Variants in CIAO3 observed in about 807,000 individuals in gnomAD.
CIAO3 encodes the protein LET1 like/JFP15.
In CIAO3, 45 loss-of-function variants were observed where a neutral mutation model predicts 51.5. The observed-to-expected ratio is 0.87, with a 90% CI of 0.69 to 1.12. CIAO3 has a LOEUF of 1.12. Among genes scored for constraint, CIAO3 ranks in the 50% most tolerant of loss-of-function variants. The probability of loss-of-function intolerance (pLI) is 0.00; values close to 1 mark genes in which losing one functional copy is unlikely to be tolerated. For synonymous variants in CIAO3, 314 were observed against 269.3 expected (o/e 1.17, Z -1.63); for missense variants, 668 against 632.5 (o/e 1.06, Z -0.60).
intron 5 of CIAO3, 82 bp downstream of exon 5, chr16:734,655 G>A (rs751734829): frequency 3.1e-6 from 5 of 1,607,482 alleles, no homozygotes; most frequent in Non-Finnish European, 4.3e-6. Context: ...CCATGCCCCC[G>A]CCTTGTCATT....
At chr16:731,127 G>T in intron 9 of CIAO3, 127 bp from the exon 10 acceptor site, 2 of 1,247,744 alleles carry the variant, frequency 1.6e-6, no homozygotes. Flanking sequence ...CTCTCTCCTG[G>T]GCAGAGGGAA....
chr16:740,016 A>C, intron 1 of CIAO3: 1 of 1,436,440 alleles, frequency 7.0e-7, no homozygotes, highest in Non-Finnish European at 9.2e-7. Flanking sequence ...CACCACCAAC[A>C]CTGACCTTCA....
chr16:740,709 C>G (rs1414169934), intron 1 of CIAO3: 7 of 558,802 alleles, frequency 1.3e-5, no homozygotes, highest in Non-Finnish European at 1.6e-5. Flanking sequence ...GGGGGCGCCG[C>G]CCTCCCTGGC....
intron 1 of CIAO3, chr16:740,307 C>T (rs1033480512): frequency 2.0e-5 from 7 of 354,890 alleles, no homozygotes; most frequent in African/African-American, 1.3e-4. Context: ...GAAAAGGGCG[C>T]CTGCAGCCTC....
At chr16:730,721 G>T (rs530028154) in intron 10 of CIAO3, 66 bp from the exon 11 acceptor site, 16 of 1,580,946 alleles carry the variant, frequency 1.0e-5, no homozygotes, top group Non-Finnish European at 1.4e-5. Flanking sequence ...GACCACCAGG[G>T]AGCAGGGAGG....
chr16:739,895 C>A (rs2041374605), intron 1 of CIAO3, 157 bp from the exon 2 acceptor site: 3 of 1,201,048 alleles, frequency 2.5e-6, no homozygotes, highest in Admixed American at 4.1e-5. Flanking sequence ...CTTCTTCCTG[C>A]CCCACTGCTC....
At chr16:733,931 C>A in intron 6 of CIAO3, 1 of 432,234 alleles carries the variant, frequency 2.3e-6, no homozygotes, top group Non-Finnish European at 4.3e-6. Flanking sequence ...TGGGCATCCT[C>A]GTGGACCTGG....
At chr16:734,133 G>A (rs921997625) in intron 6 of CIAO3, 96 bp downstream of exon 6, 40 of 1,088,272 alleles carry the variant, frequency 3.7e-5, no homozygotes, top group East Asian at 1.9e-4. Flanking sequence ...ACAGCACAGC[G>A]AGGACTCTGT....
At position 730,413 on chromosome 16, in the gene CIAO3, GC is replaced by G; in HGVS notation, c.*3del. The stretch of plus-strand genomic sequence containing the variant: ...GCCTCCTGGGAGTCCTGGTCCTGCA[GC>G]CCCTACCACCGGATGCCCAGGCCAG... On this transcript the variant is annotated 3_prime_UTR_variant, in exon 11 of 11. Transcript: ENST00000251588. 6.3e-7 allele frequency: 1 copy of G among 1,599,666 alleles called. No homozygotes were observed. The highest frequency in any genetic ancestry group is 8.5e-7 in the Non-Finnish European group (1 of 1,178,918).
At position 730,618 on chromosome 16, in the gene CIAO3, G is replaced by T; in HGVS notation, c.1230C>A (p.Asp410Glu). 1 of 1,610,256 alleles carries T rather than the reference G, an allele frequency of 6.2e-7. No homozygotes were observed. The highest frequency in any genetic ancestry group is 8.5e-7 in the Non-Finnish European group (1 of 1,179,912). Residue 410 changes from aspartate (D) to glutamate (E), a missense_variant, in exon 11 of 11, where the codon GAC (aspartate) becomes GAA (glutamate). Coordinates refer to ENST00000251588, the MANE Select transcript of CIAO3 (RefSeq NM_022493.3). ...GCTGGAGGAGCTCTCTGCTGGGCCT[G>T]TCTGGGGCCTGGAGCTGGCCCCCGC... ...LNGGGQLQAP[D>E]RPSRELLQHV... is the part of the protein sequence containing the mutation.
At chr16:734,405 C>G in intron 5 of CIAO3, 58 bp from the exon 6 acceptor site, 1 of 1,256,852 alleles carries the variant, frequency 8.0e-7, no homozygotes, top group Non-Finnish European at 1.1e-6. Context: ...CCCGCACCCA[C>G]AGGCAGCAGC....
Position 737,729 on chromosome 16 carries a change from G to A in CIAO3, c.163-400C>T. 1 of 1,289,014 alleles carries A rather than the reference G, an allele frequency of 7.8e-7. No homozygotes were observed. Among genetic ancestry groups the A allele is most frequent in the Non-Finnish European group, 1.0e-6 (1 of 989,110 alleles). 79.8% of individuals were successfully genotyped at this position (1,289,014 alleles called of 1,614,324 possible). A position where few individuals can be genotyped will look rare whatever the true frequency, so the allele number is the denominator to read the frequency against. On this transcript the variant is annotated intron_variant, in intron 2 of 10. Coordinates refer to ENST00000251588, the MANE Select transcript of CIAO3 (RefSeq NM_022493.3). The surrounding 1 kb of genome is among the most constrained non-coding windows in gnomAD (Gnocchi z 5.3). Reference sequence around the variant, plus strand: ...AGGAGGCGGGAAAGCTGAGGACAAAGGAGGAAAGGACGAAGGCACAGGAAG... The same window carrying A: ...AGGAGGCGGGAAAGCTGAGGACAAAAGAGGAAAGGACGAAGGCACAGGAAG...
At position 731,718 on chromosome 16, in the gene CIAO3, G is replaced by A. The variant is rs1427457569; in HGVS notation, c.897-16C>T. ...ACCGCTGCACCTGGCAAGGAGGGAG[G>A]GGCCTCAGCACAGCTGGGGCTGCTG... On this transcript the variant is annotated splice_polypyrimidine_tract_variant and intron_variant, in intron 8 of 10. Transcript: ENST00000251588. 3 of 1,541,744 alleles carry A rather than the reference G, an allele frequency of 1.9e-6. No homozygotes were observed. The highest frequency in any genetic ancestry group is 2.7e-5 in the African/African-American group (2 of 73,486).
intron 4 of CIAO3, 71 bp from the exon 5 acceptor site, chr16:734,942 AC>A: frequency 1.4e-6 from 2 of 1,464,612 alleles, no homozygotes; most frequent in Non-Finnish European, 1.8e-6. Context: ...CGGCGTGTGG[AC>A]CACCATGGTG....
At chr16:736,604 C>T (rs1228071636) in intron 3 of CIAO3, among the ~76,000 whole-genome samples, 6 of 151,970 alleles carry the variant, frequency 3.9e-5, no homozygotes, top group Admixed American at 6.6e-5. Flanking sequence ...ATGCAACCTC[C>T]GCCTCCCAGG....
Position 737,336 on chromosome 16 carries a change from G to A in CIAO3, c.163-7C>T, listed in dbSNP as rs777692129. 1 of 1,612,838 alleles carries A rather than the reference G, an allele frequency of 6.2e-7. No individual in the cohort carries two copies. Among genetic ancestry groups the A allele is most frequent in the South Asian group, 1.1e-5 (1 of 91,072 alleles). On this transcript the variant is annotated splice_region_variant and splice_polypyrimidine_tract_variant and intron_variant, in intron 2 of 10. Transcript: ENST00000251588. This position sits in a 1 kb window ranked among gnomAD's most constrained non-coding sequence, Gnocchi z 5.3. ...GCCTCCGGGTCCCGCCGTCCTACAA[G>A]GGAGAAGAACCCGGTGCACAGGGGC...
intron 3 of CIAO3, chr16:736,936 T>C (rs956445223): frequency 3.8e-5 from 19 of 505,700 alleles, no homozygotes; most frequent in Non-Finnish European, 6.0e-5. Context: ...AGTGCTGGTA[T>C]GACAGGCGTG....
rs569270401 is a variant in CIAO3, at chr16:738,888, C to G, written c.162+755G>C. Among the ~76,000 whole-genome samples the G allele has an allele frequency of 9.3e-5, 14 of 150,484 alleles. 3 individuals carry two copies. The highest frequency in any genetic ancestry group is 3.2e-4 in the African/African-American group (13 of 40,996). On this transcript the variant is annotated intron_variant, in intron 2 of 10. Transcript: ENST00000251588. ...TCCTGACCTCAGGTGATCCGCCCCC[C>G]CTACCCTGGCCTCCCAAAGTGCTGG... is the stretch of plus-strand genomic sequence containing the variant.
At chr16:731,872 C>CT (rs2041287076) in intron 8 of CIAO3, 170 bp from the exon 9 acceptor site, 2 of 886,874 alleles carry the variant, frequency 2.3e-6, no homozygotes, top group Non-Finnish European at 3.2e-6. Flanking sequence ...CCAGCCACTT[C>CT]TTGTTTTTTT....
Sources: allele counts gnomAD v4.1 joint callset (sites outside exome capture counted in the v4.1 genomes callset), GRCh38; gene constraint gnomAD v4.1.1; non-coding constraint Gnocchi (gnomAD v3.1); transcripts MANE v1.5; gene names NCBI Gene and HGNC (gene_info 2026-07-23, HGNC 2026-07-21).